Variants in ABCC3 observed in about 807,000 individuals in gnomAD.
ABCC3 encodes ATP binding cassette subfamily C member 3.
In ABCC3, 121 loss-of-function variants were observed where a neutral mutation model predicts 165.3. The ratio of observed to expected loss-of-function variants is 0.73; its 90% CI spans 0.63 to 0.85. The LOEUF (loss-of-function observed/expected upper bound fraction) is 0.85. ABCC3 is among the 40% of genes least tolerant of loss of function. The pLI, the probability that ABCC3 is intolerant of heterozygous loss-of-function variation, is 0.00. For missense variants in ABCC3, 1,869 were observed against 1,964.1 expected (o/e 0.95, Z 0.92); for synonymous variants, 733 against 810.1 (o/e 0.90, Z 1.62).
rs540019289 is a variant in ABCC3, at chr17:50,641,995, A to G, written c.45+7014A>G. Among the ~76,000 whole-genome samples the G allele has an allele frequency of 6.2e-4, 88 of 141,252 alleles. 1 individual carries two copies. The highest frequency in any genetic ancestry group is 3.8e-3 in the South Asian group (17 of 4,454). 92.7% of individuals were successfully genotyped at this position (141,252 alleles called of 152,430 possible). The stretch of plus-strand genomic sequence containing the variant: ...CCAAGAGGTCAAGATTACAGTGGGG[A>G]AAAAAAAAAAAAAAGAACAGTTGAA... On this transcript the variant is annotated intron_variant, in intron 1 of 30. Coordinates refer to ENST00000285238, the MANE Select transcript of ABCC3 (RefSeq NM_003786.4).
At chr17:50,660,334 C>A (rs1248743491) in intron 7 of ABCC3, among the ~76,000 whole-genome samples, 3 of 152,204 alleles carry the variant, frequency 2.0e-5, no homozygotes, top group Non-Finnish European at 4.4e-5. Flanking sequence ...TCTTTCTCCA[C>A]CCAATTCTGA....
chr17:50,635,929 C>G, intron 1 of ABCC3: 1 of 230,770 alleles, frequency 4.3e-6, no homozygotes, highest in Non-Finnish European at 8.7e-6. Flanking sequence ...TTTGGTGACT[C>G]TCACTCCAAA....
At chr17:50,665,122 A>T (rs374652054) in intron 10 of ABCC3, 31 bp from the exon 11 acceptor site, 1 of 1,594,704 alleles carries the variant, frequency 6.3e-7, no homozygotes. Context: ...ATCTGTCCCT[A>T]TGTGTCATCT....
intron 1 of ABCC3, among the ~76,000 whole-genome samples, chr17:50,643,844 C>T (rs1030705016): frequency 1.5e-4 from 23 of 148,480 alleles, no homozygotes; most frequent in Non-Finnish European, 5.9e-5. Flanking sequence ...GAGGAGATGC[C>T]ATGGGGGGGG....
intron 29 of ABCC3, among the ~76,000 whole-genome samples, chr17:50,686,736 G>T (rs1039075771): frequency 1.3e-5 from 2 of 152,130 alleles, no homozygotes; most frequent in African/African-American, 4.8e-5. Flanking sequence ...TCCTGTGCCA[G>T]TTCCACCATA....
chr17:50,680,342 A>G (rs1967906161), intron 26 of ABCC3, among the ~76,000 whole-genome samples: 2 of 152,098 alleles, frequency 1.3e-5, no homozygotes, highest in Admixed American at 1.3e-4. Flanking sequence ...TGGGCAAAGG[A>G]GTGGAGGTGG....
chr17:50,653,428 C>T lies in ABCC3; in HGVS notation c.46-2404C>T, dbSNP rs191377576. 8.0e-4 allele frequency among the ~76,000 whole-genome samples: 121 copies of T among 150,326 alleles called. 1 individual carries two copies. Among genetic ancestry groups the T allele is most frequent in the African/African-American group, 2.5e-3 (101 of 40,952 alleles). ...AGCAGAGCTTATTTGAAAAAATAAGCAATTCATGAATTCAGCAGCATGCTA... is the reference window on the plus strand; with the variant it reads ...AGCAGAGCTTATTTGAAAAAATAAGTAATTCATGAATTCAGCAGCATGCTA... On this transcript the variant is annotated intron_variant, in intron 1 of 30. Coordinates refer to ENST00000285238, the MANE Select transcript of ABCC3 (RefSeq NM_003786.4).
intron 23 of ABCC3, among the ~76,000 whole-genome samples, chr17:50,677,202 A>G (rs1342764003): frequency 2.0e-5 from 3 of 152,334 alleles, no homozygotes; most frequent in African/African-American, 7.2e-5. Context: ...CTGTTTTTTG[A>G]TAAAACATTG....
At chr17:50,644,927 A>T (rs987987854) in intron 1 of ABCC3, among the ~76,000 whole-genome samples, 1 of 152,150 alleles carries the variant, frequency 6.6e-6, no homozygotes, top group African/African-American at 2.4e-5. Flanking sequence ...CTGAGGCAGG[A>T]GAATGGCGTG....
Position 50,691,315 on chromosome 17 carries a change from T to C in ABCC3, c.*115T>C, listed in dbSNP as rs1968119418. 1.3e-6 allele frequency: 1 copy of C among 799,760 alleles called. No individual in the cohort carries two copies. The highest frequency in any genetic ancestry group is 1.7e-5 in the African/African-American group (1 of 58,400). 49.5% of individuals were successfully genotyped at this position (799,760 alleles called of 1,614,324 possible). A position where few individuals can be genotyped will look rare whatever the true frequency, so the allele number is the denominator to read the frequency against. On this transcript the variant is annotated 3_prime_UTR_variant, in exon 31 of 31. Transcript: ENST00000285238. ...CAAACACTGGGGGCACCTTAAGATTTTGCACCTGTAAAGTGCCTTACAGGG... is the reference window on the plus strand; with the variant it reads ...CAAACACTGGGGGCACCTTAAGATTCTGCACCTGTAAAGTGCCTTACAGGG...
intron 3 of ABCC3, 98 bp from the exon 4 acceptor site, chr17:50,656,948 G>T (rs1369956350): frequency 6.4e-7 from 1 of 1,551,760 alleles, no homozygotes; most frequent in African/African-American, 1.4e-5. Context: ...AGAAGAAGGG[G>T]GTGGCCCCAG....
intron 17 of ABCC3, among the ~76,000 whole-genome samples, chr17:50,670,415 T>TGAG (rs899293552): frequency 5.3e-5 from 8 of 152,124 alleles, no homozygotes; most frequent in African/African-American, 1.7e-4. Flanking sequence ...TTTTAACAAC[T>TGAG]GAGGAGGAGG....
chr17:50,650,141 T>C (rs1967086688), intron 1 of ABCC3, among the ~76,000 whole-genome samples: 1 of 152,224 alleles, frequency 6.6e-6, no homozygotes, highest in Non-Finnish European at 1.5e-5. Context: ...TGCTAGCTCT[T>C]ATCGCCCAGG....
Position 50,678,088 on chromosome 17 carries a change from C to A in ABCC3, c.3579-5C>A. The A allele has an allele frequency of 6.2e-7, 1 of 1,607,144 alleles. No individual in the cohort carries two copies. Among genetic ancestry groups the A allele is most frequent in the Non-Finnish European group, 8.5e-7 (1 of 1,175,566 alleles). ...CCCATTTCCTCCTCATCTGATCCCC[C>A]ATAGGTGGCTGAGCATCGGAGTGGA... On this transcript the variant is annotated splice_polypyrimidine_tract_variant and splice_region_variant and intron_variant, in intron 24 of 30. Transcript: ENST00000285238.
chr17:50,657,333 C>A, intron 4 of ABCC3, 150 bp downstream of exon 4: 1 of 1,143,226 alleles, frequency 8.7e-7, no homozygotes, highest in Non-Finnish European at 1.2e-6. Context: ...ACATTTCTAC[C>A]TGGAAGCAGG....
At chr17:50,668,981 G>C (rs968421961) in intron 15 of ABCC3, 62 bp downstream of exon 15, 2 of 1,598,008 alleles carry the variant, frequency 1.3e-6, no homozygotes, top group Non-Finnish European at 1.7e-6. Context: ...CAGATCAATA[G>C]CAGCACCCTG....
chr17:50,664,586 A>C (rs1310626572), intron 10 of ABCC3: 6 of 200,644 alleles, frequency 3.0e-5, no homozygotes, highest in Admixed American at 5.4e-5. Flanking sequence ...GCCTGTAGTC[A>C]CAGCTACTCA....
intron 10 of ABCC3, chr17:50,664,491 T>C: frequency 4.2e-6 from 1 of 239,266 alleles, no homozygotes; most frequent in Non-Finnish European, 8.3e-6. Flanking sequence ...GATCACGAGG[T>C]CAGGAGTTCG....
chr17:50,637,489 G>C (rs898852913), intron 1 of ABCC3, among the ~76,000 whole-genome samples: 2 of 152,182 alleles, frequency 1.3e-5, no homozygotes, highest in Non-Finnish European at 2.9e-5. Flanking sequence ...TACCTTAGGG[G>C]CCTGTGGGTG....
Sources: allele counts gnomAD v4.1 joint callset (sites outside exome capture counted in the v4.1 genomes callset), GRCh38; gene constraint gnomAD v4.1.1; transcripts MANE v1.5; gene names NCBI Gene and HGNC (gene_info 2026-07-23, HGNC 2026-07-21).